The following CATSPER3 variants were observed in gnomAD, a reference collection of about 807,000 sequenced individuals.
CATSPER3 encodes cation channel sperm associated 3, also known as cation channel sperm-associated protein 3.
In CATSPER3, 23 loss-of-function variants were observed where a neutral mutation model predicts 36.6. That is an observed-to-expected ratio of 0.63 (90% CI 0.45 to 0.89). CATSPER3 has a LOEUF of 0.89. Among genes scored for constraint, CATSPER3 ranks in the 40% least tolerant of loss-of-function variants. The pLI is 0.00. For synonymous variants in CATSPER3, 172 were observed against 184.1 expected (o/e 0.93, Z 0.53); for missense variants, 474 against 503.9 (o/e 0.94, Z 0.57).
intron 2 of CATSPER3, among the ~76,000 whole-genome samples, chr5:134,978,191 G>A (rs913708928): frequency 1.3e-5 from 2 of 152,166 alleles, no homozygotes; most frequent in Admixed American, 1.3e-4. Flanking sequence ...GTTGGTTAAT[G>A]AGGTACAAAG....
chr5:134,996,315 T>C lies in CATSPER3; in HGVS notation c.295T>C (p.Ser99Pro). ...FFVSICTSELSMKVYVDPINY... is the reference protein window; with the variant it reads ...FFVSICTSELPMKVYVDPINY... ...TGTGTCCATCTGCACATCTGAGTTG[T>C]CCATGAAGGTCTATGTGGACCCCAT... The change falls in exon 3 of 8, where the codon TCC becomes CCC. Residue 99 changes from serine to proline, a missense_variant. Transcript: ENST00000282611. 6.2e-7 allele frequency: 1 copy of C among 1,614,202 alleles called. No homozygotes were observed.
At chr5:134,976,403 A>C (rs895973454) in intron 2 of CATSPER3, among the ~76,000 whole-genome samples, 3 of 143,348 alleles carry the variant, frequency 2.1e-5, no homozygotes, top group Admixed American at 7.2e-5. Context: ...ACCAAGGAGC[A>C]GGGTTTCACA....
At chr5:134,995,998 A>G (rs1429492663) in intron 2 of CATSPER3, 2 of 519,062 alleles carry the variant, frequency 3.9e-6, no homozygotes, top group Admixed American at 3.2e-5. Flanking sequence ...GCAGTATGCT[A>G]GAGCTTATAC....
At chr5:134,993,334 G>C (rs1171731968) in intron 2 of CATSPER3, among the ~76,000 whole-genome samples, 1 of 152,166 alleles carries the variant, frequency 6.6e-6, no homozygotes, top group Non-Finnish European at 1.5e-5. Flanking sequence ...ATTGTTTATT[G>C]GGTACAGAGT....
At chr5:135,000,637 G>C (rs1752009205) in intron 3 of CATSPER3, among the ~76,000 whole-genome samples, 1 of 152,094 alleles carries the variant, frequency 6.6e-6, no homozygotes, top group South Asian at 2.1e-4. Context: ...CTTCTTCCTG[G>C]TTTAGTCTTG....
intron 2 of CATSPER3, among the ~76,000 whole-genome samples, chr5:134,985,003 G>T (rs981949580): frequency 4.6e-5 from 7 of 152,148 alleles, no homozygotes; most frequent in Non-Finnish European, 1.5e-5. Context: ...ATTTTTAGTG[G>T]AGACGGGGTT....
Position 134,996,633 on chromosome 5 carries a change from G to A in CATSPER3, c.492+121G>A, listed in dbSNP as rs959211423. The A allele has an allele frequency of 4.4e-6, 4 of 899,172 alleles. No homozygotes were observed. In the Admixed American group the frequency reaches 6.1e-5, roughly 14 times the overall value. 55.7% of individuals were successfully genotyped at this position (899,172 alleles called of 1,614,324 possible). A position where few individuals can be genotyped will look rare whatever the true frequency, so the allele number is the denominator to read the frequency against. On this transcript the variant is annotated intron_variant, in intron 3 of 7. Coordinates refer to ENST00000282611, the MANE Select transcript of CATSPER3 (RefSeq NM_178019.3). Reference sequence around the variant, plus strand: ...CCAGTTGTTGAGTCCAACGTGTGTGGCAGGTTGATCTTTACCAATATTATC... The same window carrying A: ...CCAGTTGTTGAGTCCAACGTGTGTGACAGGTTGATCTTTACCAATATTATC...
chr5:134,978,059 A>G (rs996551858), intron 2 of CATSPER3, among the ~76,000 whole-genome samples: 1 of 152,194 alleles, frequency 6.6e-6, no homozygotes, highest in African/African-American at 2.4e-5. Flanking sequence ...GCTGGGCCCC[A>G]TCTCCAACAC....
intron 2 of CATSPER3, among the ~76,000 whole-genome samples, chr5:134,989,586 G>A (rs556411853): frequency 1.3e-5 from 2 of 152,204 alleles, no homozygotes; most frequent in African/African-American, 2.4e-5. Flanking sequence ...GCTTTTCTCC[G>A]GCAGCCTCCT....
chr5:135,002,756 G>A (rs1456876072), intron 3 of CATSPER3, among the ~76,000 whole-genome samples: 1 of 152,170 alleles, frequency 6.6e-6, no homozygotes, highest in Non-Finnish European at 1.5e-5. Flanking sequence ...GGCTACTGAA[G>A]CTTGTGCATG....
chr5:134,970,199 A>T (rs1751586022), intron 2 of CATSPER3, 107 bp downstream of exon 2: 4 of 1,106,500 alleles, frequency 3.6e-6, no homozygotes, highest in African/African-American at 1.6e-5. Flanking sequence ...TCACTCTGTC[A>T]GGCTGGAGTG....
intron 2 of CATSPER3, among the ~76,000 whole-genome samples, chr5:134,991,141 G>T (rs1271585001): frequency 6.6e-6 from 1 of 152,114 alleles, no homozygotes; most frequent in Non-Finnish European, 1.5e-5. Flanking sequence ...AATTAAAGAA[G>T]ACTTGAATAA....
chr5:134,986,009 C>T (rs1227794968), intron 2 of CATSPER3, among the ~76,000 whole-genome samples: 3 of 151,730 alleles, frequency 2.0e-5, no homozygotes, highest in African/African-American at 7.3e-5. Flanking sequence ...TATATATATA[C>T]ATATATAATG....
In CATSPER3 at chr5:134,981,737, G is replaced by A. The variant is rs140188575; in HGVS notation, c.252+11645G>A. ...TTGGTTTTCAACAAAATATTATAAA[G>A]CAATCAAAGAAACAAAAATGTCTGA... On this transcript the variant is annotated intron_variant, in intron 2 of 7. Transcript: ENST00000282611. 6.6e-3 allele frequency among the ~76,000 whole-genome samples: 1,007 copies of A among 152,224 alleles called. 15 individuals carry two copies. Among genetic ancestry groups the A allele is most frequent in the African/African-American group, 0.022 (911 of 41,538 alleles).
At chr5:134,979,777 C>T (rs1751725369) in intron 2 of CATSPER3, among the ~76,000 whole-genome samples, 1 of 152,084 alleles carries the variant, frequency 6.6e-6, no homozygotes. Context: ...CCTAAGGTCT[C>T]AAGATTTCAC....
intron 4 of CATSPER3, 109 bp downstream of exon 4, chr5:135,008,248 AG>A: frequency 1.1e-6 from 1 of 913,392 alleles, no homozygotes. Context: ...CCTCATGTCC[AG>A]GTACTCATCT....
chr5:134,990,767 A>C (rs1433147688), intron 2 of CATSPER3, among the ~76,000 whole-genome samples: 2 of 152,236 alleles, frequency 1.3e-5, no homozygotes, highest in Admixed American at 1.3e-4. Flanking sequence ...GGATCTGCAC[A>C]GTGCAATAAA....
At chr5:134,999,440 C>G (rs868446433) in intron 3 of CATSPER3, among the ~76,000 whole-genome samples, 8,539 of 151,912 alleles carry the variant, frequency 0.056, 737 homozygotes, top group African/African-American at 0.19. Flanking sequence ...TTCCAATTCT[C>G]TGAAGAAAGT....
At chr5:134,972,133 C>T (rs150806350) in intron 2 of CATSPER3, among the ~76,000 whole-genome samples, 25 of 152,252 alleles carry the variant, frequency 1.6e-4, no homozygotes, top group African/African-American at 6.0e-4. Context: ...AAATCTGGAA[C>T]CTGGAATGCT....
Sources: allele counts gnomAD v4.1 joint callset (sites outside exome capture counted in the v4.1 genomes callset), GRCh38; gene constraint gnomAD v4.1.1; transcripts MANE v1.5; gene names NCBI Gene and HGNC (gene_info 2026-07-23, HGNC 2026-07-21).